KIAA1671: variants seen among roughly 807,000 people sequenced by gnomAD.
The protein encoded by KIAA1671 is KIAA1671.
In KIAA1671, 52 loss-of-function variants were observed where a neutral mutation model predicts 131.2. That is an observed-to-expected ratio of 0.40 (90% CI 0.32 to 0.50). KIAA1671 has a LOEUF of 0.50. Among genes scored for constraint, KIAA1671 ranks in the 20% least tolerant of loss-of-function variants. The pLI, the probability that KIAA1671 is intolerant of heterozygous loss-of-function variation, is 0.73. For synonymous variants in KIAA1671, 1,003 were observed against 961.6 expected (o/e 1.04, Z -0.80); for missense variants, 2,360 against 2,364.2 (o/e 1.00, Z 0.04).
At chr22:24,979,511 G>C (rs370062909) in intron 1 of KIAA1671, among the ~76,000 whole-genome samples, 4 of 150,942 alleles carry the variant, frequency 2.7e-5, no homozygotes, top group Admixed American at 2.6e-4. Flanking sequence ...CACCGCGCCC[G>C]GCTAATTTTT....
At chr22:25,089,991 A>T (rs1042477889) in intron 6 of KIAA1671, among the ~76,000 whole-genome samples, 8 of 152,148 alleles carry the variant, frequency 5.3e-5, no homozygotes, top group African/African-American at 1.9e-4. Context: ...CTAGAAGCTG[A>T]GAAGAGGGTG....
In KIAA1671 at chr22:25,039,123, A is replaced by G; in HGVS notation, c.1993A>G (p.Met665Val). 2 of 1,551,560 alleles carry G rather than the reference A, an allele frequency of 1.3e-6. No individual in the cohort carries two copies. Among genetic ancestry groups the G allele is most frequent in the Non-Finnish European group, 8.7e-7 (1 of 1,147,016 alleles). The change falls in exon 5 of 13, where the codon ATG becomes GTG. Residue 665 changes from methionine to valine, a missense_variant. Physicochemically the swap from Met to Val is conservative, Grantham distance 21 (BLOSUM62 1). Coordinates refer to ENST00000358431, the MANE Select transcript of KIAA1671 (RefSeq NM_001145206.2). ...TTGGCTGGGCAGGGACCCACCAGAC[A>G]TGACAAAACTGAAGAAAGAGAACTC... ...GSWLGRDPPDMTKLKKENSRG... is the reference protein window; with the variant it reads ...GSWLGRDPPDVTKLKKENSRG...
chr22:25,083,702 C>T (rs139114140), intron 6 of KIAA1671, among the ~76,000 whole-genome samples: 1 of 152,216 alleles, frequency 6.6e-6, no homozygotes, highest in Non-Finnish European at 1.5e-5. Flanking sequence ...CTAGGGATAC[C>T]TTTTCCACAT....
intron 6 of KIAA1671, among the ~76,000 whole-genome samples, chr22:25,070,926 T>A (rs1928785750): frequency 6.6e-6 from 1 of 152,160 alleles, no homozygotes; most frequent in African/African-American, 2.4e-5. Context: ...CTCCTCTGGA[T>A]AACAGAGGAA....
At chr22:24,974,768 C>T (rs546261013) in intron 1 of KIAA1671, among the ~76,000 whole-genome samples, 4 of 142,148 alleles carry the variant, frequency 2.8e-5, no homozygotes, top group African/African-American at 1.1e-4. Context: ...TCTCGGCTCA[C>T]TGCAACCTCA....
chr22:25,146,445 C>T (rs1055971482), intron 6 of KIAA1671, among the ~76,000 whole-genome samples: 4 of 152,222 alleles, frequency 2.6e-5, no homozygotes, highest in Non-Finnish European at 5.9e-5. Context: ...AGAGTACTGA[C>T]ATGTTATTTA....
chr22:25,162,518 T>A (rs1219862296), intron 6 of KIAA1671, among the ~76,000 whole-genome samples: 1 of 152,264 alleles, frequency 6.6e-6, no homozygotes, highest in Non-Finnish European at 1.5e-5. Flanking sequence ...CCATCCCCTG[T>A]GTAACTATGT....
chr22:24,983,496 G>A (rs961861586), intron 1 of KIAA1671, among the ~76,000 whole-genome samples: 4 of 152,058 alleles, frequency 2.6e-5, no homozygotes, highest in African/African-American at 4.8e-5. Flanking sequence ...TATTTCCAAA[G>A]AAGGTCGCAT....
rs1926871540 is a variant in KIAA1671 at position 25,040,718 on chromosome 22, C to T, written c.3588C>T (p.Ser1196=). The change falls in exon 5 of 13, where the codon TCC becomes TCT. Residue 1196 remains serine (S), a synonymous_variant. Coordinates refer to ENST00000358431, the MANE Select transcript of KIAA1671 (RefSeq NM_001145206.2). ...GTAAAATCAGAGATGGCTACAGATCCAGCGTTCTTGACATTGACGCCCTGA... is the reference window on the plus strand; with the variant it reads ...GTAAAATCAGAGATGGCTACAGATCTAGCGTTCTTGACATTGACGCCCTGA... ...FPGKIRDGYR[S]SVLDIDALMA... is the part of the protein sequence containing the mutation. The T allele has an allele frequency of 4.5e-6, 7 of 1,552,066 alleles. No individual in the cohort carries two copies. Among genetic ancestry groups the T allele is most frequent in the Middle Eastern group, 1.7e-4 (1 of 5,994 alleles).
At chr22:25,152,005 A>G (rs1933061341) in intron 6 of KIAA1671, among the ~76,000 whole-genome samples, 1 of 152,032 alleles carries the variant, frequency 6.6e-6, no homozygotes, top group Non-Finnish European at 1.5e-5. Flanking sequence ...TCCCAATGAC[A>G]TGGATTCTTT....
At chr22:25,139,761 C>T (rs1932779645) in intron 6 of KIAA1671, among the ~76,000 whole-genome samples, 1 of 152,156 alleles carries the variant, frequency 6.6e-6, no homozygotes, top group South Asian at 2.1e-4. Context: ...TAGGGAAGCC[C>T]TCTTTGAGGA....
At chr22:25,191,998 G>A (rs1934685446) in intron 12 of KIAA1671, among the ~76,000 whole-genome samples, 1 of 152,050 alleles carries the variant, frequency 6.6e-6, no homozygotes, top group African/African-American at 2.4e-5. Flanking sequence ...GATTATGTAT[G>A]ATGCATGTGT....
chr22:25,003,421 TTTTTTTTTG>T (rs1466825451), intron 1 of KIAA1671, among the ~76,000 whole-genome samples: 1 of 94,986 alleles, frequency 1.1e-5, no homozygotes, highest in African/African-American at 3.6e-5. Flanking sequence ...TTTTTTTTTT[TTTTTTTTTG>T]AGACGGAGTC....
At chr22:25,038,647 G>T in intron 4 of KIAA1671, 113 bp from the exon 5 acceptor site, 1 of 1,112,036 alleles carries the variant, frequency 9.0e-7, no homozygotes, top group Non-Finnish European at 1.3e-6. Context: ...TCAATTTTAT[G>T]GTATTTCATT....
At chr22:25,145,964 C>A (rs1195315541) in intron 6 of KIAA1671, among the ~76,000 whole-genome samples, 20 of 149,776 alleles carry the variant, frequency 1.3e-4, no homozygotes, top group African/African-American at 4.4e-4. Flanking sequence ...AAAAAAACAA[C>A]AACAAGCTGG....
At chr22:25,171,451 C>A (rs758373077) in intron 7 of KIAA1671, among the ~76,000 whole-genome samples, 1 of 150,780 alleles carries the variant, frequency 6.6e-6, no homozygotes, top group Non-Finnish European at 1.5e-5. Context: ...GTGGCTCACA[C>A]CTGTAATCCC....
chr22:24,979,358 A>AT lies in KIAA1671; in HGVS notation c.-208+26595dup, dbSNP rs60107890. Among the ~76,000 whole-genome samples, 1,009 of 125,328 alleles carry AT rather than the reference A, an allele frequency of 8.1e-3. 25 individuals are homozygous for AT. Among genetic ancestry groups the AT allele is most frequent in the African/African-American group, 0.029 (937 of 32,192 alleles). The allele number at this position is 125,328 out of a possible 152,430, so 82.2% of individuals were successfully genotyped here. A position where few individuals can be genotyped will look rare whatever the true frequency, so the allele number is the denominator to read the frequency against. Reference sequence around the variant, plus strand: ...ATTTTATTTATTTATTTATTTATTTATTTTTTTTTGAGACGGAGTCTCGCT... The same window carrying AT: ...ATTTTATTTATTTATTTATTTATTTATTTTTTTTTTGAGACGGAGTCTCGCT... On this transcript the variant is annotated intron_variant, in intron 1 of 12. Transcript: ENST00000358431.
chr22:25,180,774 C>T (rs1934241627), intron 9 of KIAA1671, among the ~76,000 whole-genome samples: 1 of 152,222 alleles, frequency 6.6e-6, no homozygotes. Context: ...TCTCCCACTC[C>T]TATCCCATTT....
chr22:25,136,699 G>T (rs1401578225), intron 6 of KIAA1671, among the ~76,000 whole-genome samples: 1 of 152,174 alleles, frequency 6.6e-6, no homozygotes, highest in African/African-American at 2.4e-5. Context: ...AAAGATGCTT[G>T]TCTGTGTATC....
Sources: gnomAD v4.1 joint callset for allele counts (sites outside exome capture counted in the v4.1 genomes callset) on GRCh38, gnomAD v4.1.1 for gene constraint, MANE v1.5 for transcripts, NCBI Gene and HGNC (gene_info 2026-07-23, HGNC 2026-07-21) for gene names.